Variants in DICER1 observed in about 807,000 individuals in gnomAD.
The protein encoded by DICER1 is endoribonuclease Dicer.
In DICER1, 43 loss-of-function variants were observed where a neutral mutation model predicts 194.1. That is an observed-to-expected ratio of 0.22 (90% CI 0.17 to 0.29). DICER1 has a LOEUF of 0.29. Among genes scored for constraint, DICER1 ranks in the 10% least tolerant of loss-of-function variants. DICER1 has a pLI of 1.00. For synonymous variants in DICER1, 832 were observed against 820.5 expected (o/e 1.01, Z -0.24); for missense variants, 1,608 against 2,317.0 (o/e 0.69, Z 6.28).
Position 95,129,504 on chromosome 14 carries a change from A to C in DICER1, c.702T>G (p.Ala234=), listed in dbSNP as rs766209945. ...AGACCACCAGGTCAGTTGCAGTTTC[A>C]GCATTACTCTTAAGAATTTTCTCTA... is the stretch of plus-strand genomic sequence containing the variant. ...QKLEKILKSN[A]ETATDLVVLD... is the part of the protein sequence containing the mutation. Residue 234 remains alanine, a synonymous_variant, in exon 6 of 27, where the codon GCT becomes GCG. Transcript: ENST00000343455. 6.2e-7 allele frequency: 1 copy of C among 1,613,968 alleles called. No homozygotes were observed. The highest frequency in any genetic ancestry group is 8.5e-7 in the Non-Finnish European group (1 of 1,179,884).
At chr14:95,091,466 T>G (rs569803069) in intron 24 of DICER1, 101 bp from the exon 25 acceptor site, 81 of 1,050,732 alleles carry the variant, frequency 7.7e-5, no homozygotes, top group Middle Eastern at 6.1e-4. Context: ...TTGTTACTTC[T>G]TTAGTAAGGG....
chr14:95,109,942 T>C (rs1595387057), intron 14 of DICER1, among the ~76,000 whole-genome samples: 1 of 152,348 alleles, frequency 6.6e-6, no homozygotes, highest in East Asian at 1.9e-4. Context: ...CTGTGCCTAA[T>C]TTATATCTTA....
rs1595456533 is a variant in DICER1, at chr14:95,129,465, T to C, written c.734+7A>G. The stretch of plus-strand genomic sequence containing the variant: ...TCATTAAAGCTGAGTCAATCAGAAG[T>C]GCATACCTGTCTAAGACCACCAGGT... On this transcript the variant is annotated splice_region_variant and intron_variant, in intron 6 of 26. Coordinates refer to ENST00000343455, the MANE Select transcript of DICER1 (RefSeq NM_177438.3). The C allele has an allele frequency of 1.2e-6, 2 of 1,612,984 alleles. No homozygotes were observed. The highest frequency in any genetic ancestry group is 1.3e-5 in the African/African-American group (1 of 74,906).
At chr14:95,118,341 T>G (rs901022536) in intron 8 of DICER1, among the ~76,000 whole-genome samples, 11 of 152,174 alleles carry the variant, frequency 7.2e-5, no homozygotes, top group African/African-American at 2.4e-4. Flanking sequence ...CTGATATCAT[T>G]AGAAGCAGAG....
At chr14:95,127,975 T>C (rs1893625713) in intron 6 of DICER1, among the ~76,000 whole-genome samples, 1 of 152,228 alleles carries the variant, frequency 6.6e-6, no homozygotes, top group African/African-American at 2.4e-5. Flanking sequence ...TATCATTCAA[T>C]TTATCCATTT....
At chr14:95,090,730 T>C in intron 26 of DICER1, 67 bp from the exon 27 acceptor site, 2 of 1,572,374 alleles carry the variant, frequency 1.3e-6, no homozygotes, top group East Asian at 2.2e-5. Flanking sequence ...AATCAGCATT[T>C]AGTGTGCACT....
chr14:95,100,164 A>G (rs552526459), intron 21 of DICER1, among the ~76,000 whole-genome samples: 15 of 152,358 alleles, frequency 9.8e-5, no homozygotes, highest in African/African-American at 2.9e-4. Flanking sequence ...TGAATATAAG[A>G]TGCAGAGCAG....
At chr14:95,151,821 T>C (rs1895531820) in intron 1 of DICER1, among the ~76,000 whole-genome samples, 1 of 152,274 alleles carries the variant, frequency 6.6e-6, no homozygotes, top group Admixed American at 6.5e-5. Context: ...CCTCCCAGGA[T>C]GTTACCAAAA....
chr14:95,146,349 C>T (rs567493407), intron 1 of DICER1, among the ~76,000 whole-genome samples: 92 of 152,292 alleles, frequency 6.0e-4, no homozygotes, highest in Non-Finnish European at 7.1e-4. Context: ...TGGTTTCTTA[C>T]ACTGTCAAGC....
At chr14:95,156,040 C>T (rs1168389740) in intron 1 of DICER1, among the ~76,000 whole-genome samples, 1 of 152,140 alleles carries the variant, frequency 6.6e-6, no homozygotes, top group Non-Finnish European at 1.5e-5. Flanking sequence ...TTATCCCGAA[C>T]CCATCTTTTA....
intron 6 of DICER1, chr14:95,129,171 GA>G (rs1893732662): frequency 3.3e-5 from 11 of 331,970 alleles, no homozygotes; most frequent in South Asian, 8.2e-5. Context: ...CATATTGACA[GA>G]AAAAAAATAC....
At chr14:95,106,711 T>C (rs1891460891) in intron 17 of DICER1, among the ~76,000 whole-genome samples, 1 of 152,118 alleles carries the variant, frequency 6.6e-6, no homozygotes, top group Non-Finnish European at 1.5e-5. Flanking sequence ...ACAACTAGTA[T>C]TATAATTATT....
Position 95,090,260 on chromosome 14 carries a change from G to T in DICER1, c.*238C>A. 1.8e-6 allele frequency: 1 copy of T among 555,532 alleles called. No homozygotes were observed. Among genetic ancestry groups the T allele is most frequent in the Non-Finnish European group, 3.2e-6 (1 of 312,620 alleles). 34.4% of individuals were successfully genotyped at this position (555,532 alleles called of 1,614,324 possible). A position where few individuals can be genotyped will look rare whatever the true frequency, so the allele number is the denominator to read the frequency against. On this transcript the variant is annotated 3_prime_UTR_variant, in exon 27 of 27. Transcript: ENST00000343455. The stretch of plus-strand genomic sequence containing the variant: ...CTCTTGTGATTTAAACAAAGCAGAA[G>T]TGAGGAAAGAAGATAAGATTGTGTT...
chr14:95,104,359 G>A (rs942441016), intron 20 of DICER1, among the ~76,000 whole-genome samples: 5 of 152,146 alleles, frequency 3.3e-5, no homozygotes, highest in African/African-American at 4.8e-5. Context: ...AGTTAAGAAG[G>A]TCACGAAGCT....
intron 1 of DICER1, among the ~76,000 whole-genome samples, chr14:95,139,698 T>A (rs1456361922): frequency 6.6e-6 from 1 of 152,192 alleles, no homozygotes; most frequent in Non-Finnish European, 1.5e-5. Context: ...AACAGAATCA[T>A]GGATGGATCA....
intron 1 of DICER1, among the ~76,000 whole-genome samples, chr14:95,139,999 T>C (rs1894725566): frequency 6.6e-6 from 1 of 152,218 alleles, no homozygotes; most frequent in African/African-American, 2.4e-5. Flanking sequence ...CAATTTTTAC[T>C]TTCTTGGCAT....
rs1385385483 is a variant in DICER1, at chr14:95,138,974, A to T, written c.-45-5471T>A. On this transcript the variant is annotated intron_variant, in intron 1 of 26. Coordinates refer to ENST00000343455, the MANE Select transcript of DICER1 (RefSeq NM_177438.3). ...CTAAAACTTAGAGTATAATAAAAAA[A>T]ATAAAAATAAATAAAAAAATAAAAA... Among the ~76,000 whole-genome samples the T allele has an allele frequency of 2.5e-4, 12 of 48,756 alleles. 1 individual carries two copies. The highest frequency in any genetic ancestry group is 7.4e-4 in the South Asian group (1 of 1,356). 32.0% of individuals were successfully genotyped at this position (48,756 alleles called of 152,430 possible). A position where few individuals can be genotyped will look rare whatever the true frequency, so the allele number is the denominator to read the frequency against.
chr14:95,112,126 G>A (rs763714825), intron 13 of DICER1, 46 bp downstream of exon 13: 2 of 1,511,738 alleles, frequency 1.3e-6, no homozygotes, highest in African/African-American at 2.8e-5. Context: ...TTTTTACAAT[G>A]GTTGCAATTT....
At chr14:95,152,423 A>G (rs1162288180) in intron 1 of DICER1, among the ~76,000 whole-genome samples, 1 of 152,272 alleles carries the variant, frequency 6.6e-6, no homozygotes, top group Non-Finnish European at 1.5e-5. Flanking sequence ...AAAAAGTATT[A>G]TAAATTAACT....
Sources: allele counts gnomAD v4.1 joint callset (sites outside exome capture counted in the v4.1 genomes callset), GRCh38; gene constraint gnomAD v4.1.1; transcripts MANE v1.5; gene names NCBI Gene and HGNC (gene_info 2026-07-23, HGNC 2026-07-21).